MYO5B: variants seen among roughly 807,000 people sequenced by gnomAD.
MYO5B encodes the protein myosin VB, also known as unconventional myosin-Vb.
In MYO5B, 143 loss-of-function variants were observed where a neutral mutation model predicts 229.3. The ratio of observed to expected loss-of-function variants is 0.62; its 90% CI spans 0.54 to 0.72. The LOEUF (loss-of-function observed/expected upper bound fraction) is 0.72. Among genes scored for constraint, MYO5B ranks in the 30% least tolerant of loss-of-function variants. The probability of loss-of-function intolerance (pLI) is 0.00; values close to 1 mark genes in which losing one functional copy is unlikely to be tolerated. For synonymous variants in MYO5B, 918 were observed against 885.2 expected (o/e 1.04, Z -0.66); for missense variants, 2,321 against 2,331.0 (o/e 1.00, Z 0.09).
rs367671724 is a variant in MYO5B at position 49,906,125 on chromosome 18, T to C, written c.2414+294A>G. Among the ~76,000 whole-genome samples, 7 of 152,108 alleles carry C rather than the reference T, an allele frequency of 4.6e-5. No individual in the cohort carries two copies. In the East Asian group the frequency reaches 9.6e-4, roughly 21 times the overall value. ...AAGGAGTTAGTTTTTTACTTTGGGG[T>C]TCAGGCAAAGGGGAAATGGTTGGTT... On this transcript the variant is annotated intron_variant, in intron 19 of 39. Coordinates refer to ENST00000285039, the MANE Select transcript of MYO5B (RefSeq NM_001080467.3).
intron 10 of MYO5B, among the ~76,000 whole-genome samples, chr18:49,964,168 T>G (rs191708529): frequency 6.6e-6 from 1 of 152,364 alleles, no homozygotes; most frequent in East Asian, 1.9e-4. Context: ...TCTTAAAAGG[T>G]AGAAGTAAAT....
chr18:49,953,300 G>A lies in MYO5B; in HGVS notation c.1712C>T (p.Thr571Met), dbSNP rs749679237. Residue 571 changes from threonine (T) to methionine (M), a missense_variant, in exon 14 of 40, where the codon ACG becomes ATG. Thr to Met is a moderately conservative substitution (Grantham distance 81). This residue lies in a region of MYO5B where 2,113 missense variants were observed against 2,044.7 expected (regional missense o/e 1.03). Transcript: ENST00000285039. Reference sequence around the variant, plus strand: ...GATATTGATCTGCTCTTCATACACCGTGTCTCTGTTTTTCTCCAGAAAACC... The same window carrying A: ...GATATTGATCTGCTCTTCATACACCATGTCTCTGTTTTTCTCCAGAAAACC... Reference protein sequence around the residue: ...SDGFLEKNRDTVYEEQINILK... With the variant: ...SDGFLEKNRDMVYEEQINILK... The A allele has an allele frequency of 1.2e-5, 20 of 1,613,904 alleles. No individual in the cohort carries two copies. Among genetic ancestry groups the A allele is most frequent in the East Asian group, 8.9e-5 (4 of 44,886 alleles).
chr18:50,127,258 C>A (rs1252219627), intron 1 of MYO5B, among the ~76,000 whole-genome samples: 1 of 152,150 alleles, frequency 6.6e-6, no homozygotes, highest in Non-Finnish European at 1.5e-5. Context: ...TATTATATAC[C>A]AGATACTGGC....
chr18:50,185,572 G>A (rs901423303), intron 1 of MYO5B, among the ~76,000 whole-genome samples: 6 of 152,156 alleles, frequency 3.9e-5, no homozygotes, highest in Non-Finnish European at 8.8e-5. Flanking sequence ...AATGTTTGAG[G>A]TGGTGGATAA....
chr18:50,013,779 C>T (rs1313472148), intron 4 of MYO5B, among the ~76,000 whole-genome samples: 1 of 152,222 alleles, frequency 6.6e-6, no homozygotes, highest in African/African-American at 2.4e-5. Context: ...CAACGTGAGG[C>T]AGGTCAGAAA....
intron 22 of MYO5B, among the ~76,000 whole-genome samples, chr18:49,885,094 T>C (rs764714214): frequency 2.0e-5 from 3 of 152,148 alleles, no homozygotes; most frequent in South Asian, 4.2e-4. Flanking sequence ...AGGTTTAACA[T>C]AGAGTTGCCA....
At chr18:50,001,563 C>T (rs531551108) in intron 4 of MYO5B, 152 bp from the exon 5 acceptor site, 11 of 949,554 alleles carry the variant, frequency 1.2e-5, no homozygotes, top group South Asian at 1.1e-4. Context: ...ATAGTCTGCC[C>T]TCCCCGACAC....
In MYO5B at chr18:50,165,377, G is replaced by C. The variant is rs533503142; in HGVS notation, c.27+29390C>G. 5.9e-5 allele frequency among the ~76,000 whole-genome samples: 9 copies of C among 152,116 alleles called. No individual in the cohort carries two copies. The South Asian group carries it at 1.9e-3, about 32-fold the overall frequency. On this transcript the variant is annotated intron_variant, in intron 1 of 39. Coordinates refer to ENST00000285039, the MANE Select transcript of MYO5B (RefSeq NM_001080467.3). ...AGATGCCTATGGTCCCAGCTATCTG[G>C]GCTCAGGTGGGAGAATCACTTGAGT... is the stretch of plus-strand genomic sequence containing the variant.
At chr18:49,858,323 C>T (rs1225836285) in intron 29 of MYO5B, among the ~76,000 whole-genome samples, 1 of 129,750 alleles carries the variant, frequency 7.7e-6, no homozygotes, top group Non-Finnish European at 1.7e-5. Context: ...AGGCACAGCT[C>T]ACTGGAGGAC....
chr18:49,891,074 A>T (rs1373758658), intron 22 of MYO5B, among the ~76,000 whole-genome samples: 3 of 152,032 alleles, frequency 2.0e-5, no homozygotes, highest in Non-Finnish European at 4.4e-5. Flanking sequence ...AAGTCAGAAG[A>T]TCCTTCCTGA....
At chr18:50,109,355 G>A (rs1173022605) in intron 1 of MYO5B, among the ~76,000 whole-genome samples, 1 of 152,064 alleles carries the variant, frequency 6.6e-6, no homozygotes, top group African/African-American at 2.4e-5. Context: ...GAAGAGTTCA[G>A]AGGTTCACAA....
intron 1 of MYO5B, among the ~76,000 whole-genome samples, chr18:50,075,505 C>T (rs2031058018): frequency 6.6e-6 from 1 of 152,108 alleles, no homozygotes; most frequent in Admixed American, 6.5e-5. Context: ...CATGAATACC[C>T]TCATTTCTGT....
rs566922896 is a variant in MYO5B, at chr18:49,891,557, T to C, written c.3045+3384A>G. On this transcript the variant is annotated intron_variant, in intron 22 of 39. Coordinates refer to ENST00000285039, the MANE Select transcript of MYO5B (RefSeq NM_001080467.3). ...CTGAATGAAGGACCATGAGCTTCTG[T>C]GCTTTCTGCAGCAAGACAACGTCCT... 5.9e-4 allele frequency among the ~76,000 whole-genome samples: 90 copies of C among 152,324 alleles called. No individual in the cohort carries two copies. The South Asian group carries it at 0.017, about 30-fold the overall frequency.
chr18:50,107,755 T>C (rs1340976407), intron 1 of MYO5B, among the ~76,000 whole-genome samples: 2 of 152,182 alleles, frequency 1.3e-5, no homozygotes, highest in Non-Finnish European at 2.9e-5. Flanking sequence ...TGTTTTTAAG[T>C]TGTATATGCT....
At chr18:49,903,969 C>G (rs1407865818) in intron 20 of MYO5B, among the ~76,000 whole-genome samples, 2 of 152,256 alleles carry the variant, frequency 1.3e-5, no homozygotes, top group East Asian at 3.8e-4. Flanking sequence ...ATGCCCAATA[C>G]CACCGCCTGC....
At chr18:50,120,597 GC>G (rs1187862746) in intron 1 of MYO5B, among the ~76,000 whole-genome samples, 1 of 152,192 alleles carries the variant, frequency 6.6e-6, no homozygotes, top group Non-Finnish European at 1.5e-5. Flanking sequence ...CTGGACAGGA[GC>G]CAGCCAGCAA....
At chr18:50,013,104 C>A (rs1476968598) in intron 4 of MYO5B, among the ~76,000 whole-genome samples, 3 of 152,156 alleles carry the variant, frequency 2.0e-5, no homozygotes, top group African/African-American at 7.2e-5. Flanking sequence ...TGAATTACAT[C>A]CATAAGGTTG....
rs1409547067 is a variant in MYO5B at position 49,836,828 on chromosome 18, T to C, written c.5196A>G (p.Gly1732=). Residue 1732 remains glycine (G), a synonymous_variant, in exon 38 of 40, where the codon GGA becomes GGG. Transcript: ENST00000285039. ...WLRGRNLHQS[G]AVQTMEPLIQ... is the part of the protein sequence containing the mutation. ...TCAGAGGTTCCATGGTCTGAACTGC[T>C]CCACTCTGGTGAAGGTTTCTTCCCC... 1 of 1,614,218 alleles carries C rather than the reference T, an allele frequency of 6.2e-7. No individual in the cohort carries two copies. Among genetic ancestry groups the C allele is most frequent in the East Asian group, 2.2e-5 (1 of 44,878 alleles).
intron 12 of MYO5B, among the ~76,000 whole-genome samples, chr18:49,961,224 C>A (rs958109543): frequency 2.0e-5 from 3 of 152,168 alleles, no homozygotes; most frequent in Admixed American, 6.5e-5. Context: ...TTACTGCTAC[C>A]CCTCAGGTTA....
Sources: gnomAD v4.1 joint callset for allele counts (sites outside exome capture counted in the v4.1 genomes callset) on GRCh38, gnomAD v4.1.1 for gene constraint, gnomAD v4.1.1 regional missense constraint, MANE v1.5 for transcripts, NCBI Gene and HGNC (gene_info 2026-07-23, HGNC 2026-07-21) for gene names.